The following PCDHA3 variants were observed in gnomAD, a reference collection of about 807,000 sequenced individuals.
The protein encoded by PCDHA3 is protocadherin alpha-3.
In PCDHA3, 41 loss-of-function variants were observed where a neutral mutation model predicts 62.2. That is an observed-to-expected ratio of 0.66 (90% CI 0.51 to 0.86). PCDHA3 has a LOEUF of 0.86. PCDHA3 is among the 40% of genes least tolerant of loss of function. The pLI is 0.00. For missense variants in PCDHA3, 1,304 were observed against 1,241.2 expected (o/e 1.05, Z -0.76); for synonymous variants, 640 against 555.4 (o/e 1.15, Z -2.14).
chr5:140,915,634 CT>C (rs782528552), intron 1 of PCDHA3, among the ~76,000 whole-genome samples: 9 of 150,114 alleles, frequency 6.0e-5, no homozygotes, highest in Non-Finnish European at 1.3e-4. Context: ...CTGTCTCTCT[CT>C]CTCTCTCTCT....
chr5:140,890,632 T>C (rs561301430), intron 1 of PCDHA3, among the ~76,000 whole-genome samples: 28 of 152,330 alleles, frequency 1.8e-4, no homozygotes, highest in African/African-American at 6.0e-4. Context: ...ATTAAGCATG[T>C]ATCCTTGATA....
chr5:140,805,582 C>A, intron 1 of PCDHA3: 1 of 941,436 alleles, frequency 1.1e-6, no homozygotes, highest in Non-Finnish European at 1.3e-6. Context: ...AAATGGCTAC[C>A]ATTATGTCTT....
At position 140,825,344 on chromosome 5, in the gene PCDHA3, A is replaced by G. The variant is rs1426707045; in HGVS notation, c.2394+21753A>G. ...TGGAAATTTGCATATTTTTCAATATATCTAATATATATTAGATATATAAAT... is the reference window on the plus strand; with the variant it reads ...TGGAAATTTGCATATTTTTCAATATGTCTAATATATATTAGATATATAAAT... On this transcript the variant is annotated intron_variant, in intron 1 of 3. Transcript: ENST00000522353. 2.0e-5 allele frequency: 3 copies of G among 147,914 alleles called. No individual in the cohort carries two copies. In the East Asian group the frequency reaches 5.8e-4, roughly 29 times the overall value. The allele number at this position is 147,914 out of a possible 1,614,324, so 9.2% of individuals were successfully genotyped here.
intron 1 of PCDHA3, chr5:140,862,120 A>G (rs898970647): frequency 2.5e-5 from 4 of 161,592 alleles, no homozygotes; most frequent in African/African-American, 7.2e-5. Flanking sequence ...GGATAAATAA[A>G]TGTAAAGATA....
At chr5:140,883,573 G>C in intron 1 of PCDHA3, 7 of 1,614,076 alleles carry the variant, frequency 4.3e-6, no homozygotes, top group Non-Finnish European at 5.9e-6. Flanking sequence ...CGCCTTCGCT[G>C]TGGGCCACGG....
At chr5:140,830,051 C>T (rs1276520798) in intron 1 of PCDHA3, 2 of 1,613,610 alleles carry the variant, frequency 1.2e-6, no homozygotes, top group Middle Eastern at 1.6e-4. Context: ...GGTGAAAGAC[C>T]ACGGTGAGCC....
chr5:140,926,703 C>G (rs2083476417), intron 1 of PCDHA3: 2 of 835,304 alleles, frequency 2.4e-6, no homozygotes, highest in Admixed American at 7.4e-5. Context: ...CGGCTCCCAG[C>G]TGGCCAGCCC....
Position 140,843,051 on chromosome 5 carries a change from C to G in PCDHA3, c.2394+39460C>G, listed in dbSNP as rs2150351121. ...CGGGTGGGTGGCACTGGTGGCGCAG[C>G]GAGCAAGCTGGTGCCGCGGTCTGTG... On this transcript the variant is annotated intron_variant, in intron 1 of 3. Transcript: ENST00000522353. 14 of 1,594,994 alleles carry G rather than the reference C, an allele frequency of 8.8e-6. 2 individuals carry two copies. The highest frequency in any genetic ancestry group is 2.2e-5 in the South Asian group (2 of 90,478).
intron 1 of PCDHA3, among the ~76,000 whole-genome samples, chr5:140,881,674 T>C (rs782706305): frequency 5.3e-5 from 8 of 152,254 alleles, no homozygotes; most frequent in Non-Finnish European, 1.0e-4. Context: ...TCTTATGTGA[T>C]TGTTATGTTT....
chr5:140,836,517 G>A (rs2150262716), intron 1 of PCDHA3: 2 of 1,613,868 alleles, frequency 1.2e-6, no homozygotes, highest in African/African-American at 2.7e-5. Flanking sequence ...CAGTCTGTTG[G>A]TGCTTACCCT....
intron 1 of PCDHA3, among the ~76,000 whole-genome samples, chr5:140,900,463 C>T (rs1319110335): frequency 6.6e-6 from 1 of 152,130 alleles, no homozygotes; most frequent in African/African-American, 2.4e-5. Flanking sequence ...TTTTAGTAGA[C>T]ACGGAGTTTC....
chr5:140,851,268 G>T lies in PCDHA3; in HGVS notation c.2394+47677G>T, dbSNP rs2042007881. ...TGATGCATAGTATTTTAGTCTACTT[G>T]TATTGTTTATAAGAAACCCAAGCAA... On this transcript the variant is annotated intron_variant, in intron 1 of 3. Transcript: ENST00000522353. 2.8e-6 allele frequency: 3 copies of T among 1,069,204 alleles called. No homozygotes were observed. In the East Asian group the frequency reaches 1.3e-4, roughly 48 times the overall value. 66.2% of individuals were successfully genotyped at this position (1,069,204 alleles called of 1,614,324 possible).
At chr5:140,937,786 T>C (rs246073) in intron 1 of PCDHA3, among the ~76,000 whole-genome samples, 52,378 of 148,788 alleles carry the variant, frequency 0.35, 9,253 homozygotes, top group East Asian at 0.54. Flanking sequence ...GTGGCGGGCG[T>C]ATGTAGTCCC....
intron 1 of PCDHA3, chr5:140,836,425 G>C (rs2150260582): frequency 1.2e-6 from 2 of 1,613,790 alleles, no homozygotes; most frequent in Non-Finnish European, 1.7e-6. Context: ...GCGTCGTCGC[G>C]GGCATCGTTG....
At position 140,857,343 on chromosome 5, in the gene PCDHA3, C is replaced by T. The variant is rs565903992; in HGVS notation, c.2394+53752C>T. 68 of 1,598,512 alleles carry T rather than the reference C, an allele frequency of 4.3e-5. 8 individuals carry two copies. The South Asian group carries it at 4.3e-4, about 10-fold the overall frequency. On this transcript the variant is annotated intron_variant, in intron 1 of 3. Coordinates refer to ENST00000522353, the MANE Select transcript of PCDHA3 (RefSeq NM_018906.3). ...GTGACCGCGCGGGACGGGGGCTCGC[C>T]TCCGCTGTGGGCCACGGCCAGCGTG...
Position 140,823,173 on chromosome 5 carries a change from C to A in PCDHA3, c.2394+19582C>A. ...AGTATACCGTGTTCGTGAAGGAGAACAACCCGCCAGGCTGCCACATCTTCA... is the reference window on the plus strand; with the variant it reads ...AGTATACCGTGTTCGTGAAGGAGAAAAACCCGCCAGGCTGCCACATCTTCA... On this transcript the variant is annotated intron_variant, in intron 1 of 3. Transcript: ENST00000522353. 4 of 1,613,906 alleles carry A rather than the reference C, an allele frequency of 2.5e-6. No individual in the cohort carries two copies. In the South Asian group the frequency reaches 4.4e-5, roughly 18 times the overall value.
chr5:140,813,540 A>G (rs1554126219), intron 1 of PCDHA3: 2 of 152,230 alleles, frequency 1.3e-5, no homozygotes, highest in Admixed American at 1.3e-4. Flanking sequence ...GTACACCTGA[A>G]TAGGGTACTT....
At chr5:140,849,751 C>A (rs1664372537) in intron 1 of PCDHA3, 2 of 1,598,420 alleles carry the variant, frequency 1.3e-6, no homozygotes, top group Non-Finnish European at 1.7e-6. Flanking sequence ...GAGAGTGTGT[C>A]CGCCTACGAG....
chr5:140,926,223 TAGA>T, intron 1 of PCDHA3: 1 of 152,200 alleles, frequency 6.6e-6, no homozygotes, highest in Non-Finnish European at 1.5e-5. Flanking sequence ...TCCTTAAGCC[TAGA>T]AGGTGTGGTC....
Sources: allele counts gnomAD v4.1 joint callset (sites outside exome capture counted in the v4.1 genomes callset), GRCh38; gene constraint gnomAD v4.1.1; transcripts MANE v1.5; gene names NCBI Gene and HGNC (gene_info 2026-07-23, HGNC 2026-07-21).